NBEA: variants seen among roughly 807,000 people sequenced by gnomAD.
NBEA encodes neurobeachin, also known as lysosomal-trafficking regulator 2.
NBEA carries 44 observed loss-of-function variants against 343.4 expected under a neutral mutation model. The ratio of observed to expected loss-of-function variants is 0.13; its 90% CI spans 0.10 to 0.16. The LOEUF is 0.16. Ranked by LOEUF, NBEA falls within the 10% of genes least tolerant of loss-of-function variation. The pLI, the probability that NBEA is intolerant of heterozygous loss-of-function variation, is 1.00. For missense variants in NBEA, 2,555 were observed against 3,631.3 expected, an observed-to-expected ratio of 0.70 and a Z score of 7.62; for synonymous variants, 1,175 against 1,238.7, an observed-to-expected ratio of 0.95 and a Z score of 1.08.
chr13:35,402,385 G>A (rs2043041048), intron 38 of NBEA, among the ~76,000 whole-genome samples: 3 of 151,840 alleles, frequency 2.0e-5, no homozygotes, highest in Admixed American at 1.3e-4. Context: ...TGAGAATTTG[G>A]AAGAAAAAAT....
At chr13:35,462,058 G>C (rs527325141) in intron 40 of NBEA, among the ~76,000 whole-genome samples, 1 of 152,202 alleles carries the variant, frequency 6.6e-6, no homozygotes, top group South Asian at 2.1e-4. Context: ...ACAAAGTAGG[G>C]ACAAGACCTG....
At chr13:35,444,450 T>A (rs1252765071) in intron 39 of NBEA, among the ~76,000 whole-genome samples, 1 of 152,050 alleles carries the variant, frequency 6.6e-6, no homozygotes, top group Non-Finnish European at 1.5e-5. Context: ...GGTTTGGAAA[T>A]GAATTGCAAC....
At chr13:35,524,288 C>G (rs143765593) in intron 41 of NBEA, among the ~76,000 whole-genome samples, 2 of 152,234 alleles carry the variant, frequency 1.3e-5, no homozygotes, top group African/African-American at 4.8e-5. Flanking sequence ...TTCAAAACAC[C>G]AAGTCAAATC....
At chr13:35,426,240 C>T (rs1036674607) in intron 38 of NBEA, among the ~76,000 whole-genome samples, 1 of 152,136 alleles carries the variant, frequency 6.6e-6, no homozygotes, top group African/African-American at 2.4e-5. Context: ...TTCTTCCTAG[C>T]CTCGATGTTC....
chr13:34,985,734 T>C (rs2060520759), intron 1 of NBEA, among the ~76,000 whole-genome samples: 2 of 150,874 alleles, frequency 1.3e-5, no homozygotes, highest in South Asian at 4.2e-4. Flanking sequence ...ATTGGTCCCT[T>C]CAGAGATTCA....
intron 53 of NBEA, among the ~76,000 whole-genome samples, chr13:35,652,716 G>A (rs1441364806): frequency 9.3e-5 from 7 of 75,296 alleles, no homozygotes; most frequent in South Asian, 4.6e-4. Context: ...TTTTTTTGAG[G>A]CGGAGTCTCG....
chr13:35,579,453 C>T (rs2080904522), intron 45 of NBEA, among the ~76,000 whole-genome samples: 1 of 151,758 alleles, frequency 6.6e-6, no homozygotes, highest in South Asian at 2.1e-4. Context: ...GGGCTTGGTA[C>T]AATATGCAGG....
intron 38 of NBEA, among the ~76,000 whole-genome samples, chr13:35,416,936 G>A (rs1473718303): frequency 6.6e-6 from 1 of 152,054 alleles, no homozygotes; most frequent in Non-Finnish European, 1.5e-5. Context: ...TCTATTCAGG[G>A]ATTGAACTTC....
Position 35,654,879 on chromosome 13 carries a change from G to A in NBEA, c.8060G>A (p.Arg2687Gln). The A allele has an allele frequency of 1.9e-6, 3 of 1,573,200 alleles. No individual in the cohort carries two copies. The highest frequency in any genetic ancestry group is 1.7e-6 in the Non-Finnish European group (2 of 1,166,130). Residue 2687 changes from arginine to glutamine, a missense_variant, in exon 54 of 59, where the codon CGG (arginine) becomes CAG (glutamine). This residue lies in a region of NBEA where 39 missense variants were observed against 37.9 expected (regional missense o/e 1.03). Coordinates refer to ENST00000379939, the MANE Select transcript of NBEA (RefSeq NM_001385012.1). ...GCCAATAATTCAGGTGTAAACAAAC[G>A]GCAGATCACAGACCTCGTTGACCAG... ...LIANNSGVNK[R>Q]QITDLVDQSI...
chr13:35,045,895 T>G (rs1021988207), intron 4 of NBEA, among the ~76,000 whole-genome samples: 9 of 151,794 alleles, frequency 5.9e-5, no homozygotes, highest in Admixed American at 5.3e-4. Context: ...GCCCAGCTAA[T>G]TTTTGTATTT....
chr13:35,511,216 T>C (rs1222098856), intron 41 of NBEA, among the ~76,000 whole-genome samples: 1 of 152,312 alleles, frequency 6.6e-6, no homozygotes, highest in East Asian at 1.9e-4. Flanking sequence ...ATAGTCAGCC[T>C]GCAATTGTCA....
intron 38 of NBEA, among the ~76,000 whole-genome samples, chr13:35,393,916 G>A (rs1054450771): frequency 6.6e-6 from 1 of 151,942 alleles, no homozygotes; most frequent in East Asian, 1.9e-4. Flanking sequence ...TTTTCCCTGG[G>A]GATATGTGTT....
chr13:35,124,034 C>T (rs1456327038), intron 17 of NBEA, among the ~76,000 whole-genome samples: 1 of 151,998 alleles, frequency 6.6e-6, no homozygotes, highest in Non-Finnish European at 1.5e-5. Context: ...TGCTAGAATA[C>T]CTCATTTCTT....
chr13:35,107,763 T>G (rs1481632995), intron 11 of NBEA, among the ~76,000 whole-genome samples: 1 of 151,962 alleles, frequency 6.6e-6, no homozygotes, highest in Non-Finnish European at 1.5e-5. Flanking sequence ...CTAAAAGTCT[T>G]GAGTTCTACC....
At position 35,609,533 on chromosome 13, in the gene NBEA, T is replaced by C. The variant is rs142261369; in HGVS notation, c.7449+2955T>C. On this transcript the variant is annotated intron_variant, in intron 48 of 58. Coordinates refer to ENST00000379939, the MANE Select transcript of NBEA (RefSeq NM_001385012.1). ...TGATCTAAACCATCTTGTCTTAAGT[T>C]TCTAGTAGAGGCCTAAATTAACAAA... Among the ~76,000 whole-genome samples the C allele has an allele frequency of 1.6e-3, 247 of 152,308 alleles. 1 individual carries two copies. The highest frequency in any genetic ancestry group is 1.7e-3 in the Non-Finnish European group (119 of 68,020).
chr13:35,349,287 C>A, intron 37 of NBEA, 71 bp downstream of exon 37: 1 of 748,602 alleles, frequency 1.3e-6, no homozygotes, highest in Non-Finnish European at 2.1e-6. Context: ...TGTGACCTTA[C>A]ATAAGAAGGT....
chr13:35,178,693 T>C (rs2071089199), intron 28 of NBEA, among the ~76,000 whole-genome samples: 1 of 151,600 alleles, frequency 6.6e-6, no homozygotes, highest in Non-Finnish European at 1.5e-5. Context: ...TTTTTTATAA[T>C]AAACCTATAT....
intron 16 of NBEA, among the ~76,000 whole-genome samples, chr13:35,121,108 T>A (rs376128050): frequency 2.0e-4 from 30 of 152,232 alleles, no homozygotes; most frequent in Middle Eastern, 3.4e-3. Flanking sequence ...GGGTTTTTTT[T>A]AATTTTTTAA....
chr13:34,987,777 G>A (rs1431014417), intron 1 of NBEA, among the ~76,000 whole-genome samples: 3 of 150,628 alleles, frequency 2.0e-5, no homozygotes, highest in African/African-American at 7.3e-5. Context: ...TTTTCCACTT[G>A]ATCAAATAGG....
Sources: allele counts gnomAD v4.1 joint callset (sites outside exome capture counted in the v4.1 genomes callset), GRCh38; gene constraint gnomAD v4.1.1; regional missense constraint gnomAD v4.1.1; transcripts MANE v1.5; gene names NCBI Gene and HGNC (gene_info 2026-07-23, HGNC 2026-07-21).